C12orf42: variants seen among roughly 807,000 people sequenced by gnomAD.
C12orf42 encodes the protein uncharacterized protein C12orf42.
Under a neutral mutation model 21.6 loss-of-function variants are expected in C12orf42, and 25 were observed. That is an observed-to-expected ratio of 1.16 (90% CI 0.84 to 1.62). The LOEUF is 1.62. Among genes scored for constraint, C12orf42 ranks in the 40% most tolerant of loss-of-function variants. The pLI is 0.00. For synonymous variants in C12orf42, 174 were observed against 175.0 expected (o/e 0.99, Z 0.05); for missense variants, 483 against 459.3 (o/e 1.05, Z -0.47).
chr12:103,082,175 A>G, the C12orf42 span, among the ~76,000 whole-genome samples: 1 of 152,224 alleles, frequency 6.6e-6, no homozygotes, highest in Non-Finnish European at 1.5e-5. Flanking sequence ...AGAAAAACCA[A>G]CTGGAAGTGT....
the C12orf42 span, among the ~76,000 whole-genome samples, chr12:103,154,714 A>G: frequency 6.6e-6 from 1 of 152,182 alleles, no homozygotes; most frequent in African/African-American, 2.4e-5. Flanking sequence ...GGGAAAAATT[A>G]GTTTTATGAG....
intron 2 of C12orf42, among the ~76,000 whole-genome samples, chr12:103,476,602 C>G (rs757537476): frequency 2.0e-5 from 3 of 152,182 alleles, no homozygotes; most frequent in Admixed American, 1.3e-4. Context: ...TGGAGAGAAG[C>G]AGTTTCCTAA....
chr12:103,102,274 A>T, the C12orf42 span, among the ~76,000 whole-genome samples: 22 of 152,236 alleles, frequency 1.4e-4, no homozygotes. Flanking sequence ...AAAAGAATCA[A>T]GATCTTCCCC....
the C12orf42 span, among the ~76,000 whole-genome samples, chr12:103,201,930 CA>C: frequency 4.0e-4 from 60 of 151,480 alleles, no homozygotes; most frequent in African/African-American, 1.4e-3. Context: ...AGTAATTAGC[CA>C]AAAAAAAGCA....
chr12:103,438,310 G>T (rs1309412026), intron 2 of C12orf42, among the ~76,000 whole-genome samples: 4 of 151,850 alleles, frequency 2.6e-5, no homozygotes, highest in Non-Finnish European at 5.9e-5. Context: ...ATACTGAATG[G>T]GCAAAAACTG....
At chr12:103,350,602 G>A (rs2137444848) in intron 4 of C12orf42, among the ~76,000 whole-genome samples, 1 of 152,198 alleles carries the variant, frequency 6.6e-6, no homozygotes, top group East Asian at 1.9e-4. Flanking sequence ...ATAGGATCCG[G>A]TATTATCCAT....
intron 2 of C12orf42, among the ~76,000 whole-genome samples, chr12:103,429,857 C>G (rs1042273013): frequency 1.3e-5 from 2 of 152,138 alleles, no homozygotes; most frequent in Non-Finnish European, 2.9e-5. Flanking sequence ...CTGACACAAA[C>G]AAGCAATAGG....
intron 4 of C12orf42, among the ~76,000 whole-genome samples, chr12:103,315,641 AT>A (rs150343689): frequency 0.019 from 2,863 of 152,282 alleles, 80 homozygotes; most frequent in African/African-American, 0.064. Flanking sequence ...GCAGAAAAAA[AT>A]ATATGAAATA....
chr12:103,368,840 G>A (rs1218943069), intron 4 of C12orf42, 47 bp downstream of exon 4: 3 of 1,021,912 alleles, frequency 2.9e-6, no homozygotes, highest in Admixed American at 4.7e-5. Context: ...ATAGTCCAGA[G>A]TTTCTTTGGA....
intron 10 of C12orf42, among the ~76,000 whole-genome samples, chr12:103,252,143 A>G (rs1006614424): frequency 3.9e-5 from 6 of 152,134 alleles, no homozygotes; most frequent in Non-Finnish European, 8.8e-5. Context: ...TTATGGCTGC[A>G]TAGTATTCCA....
the C12orf42 span, among the ~76,000 whole-genome samples, chr12:103,218,808 C>T: frequency 6.6e-6 from 1 of 152,178 alleles, no homozygotes; most frequent in Non-Finnish European, 1.5e-5. Context: ...TTCCAATTTA[C>T]AGAATGAGAA....
intron 4 of C12orf42, among the ~76,000 whole-genome samples, chr12:103,278,087 T>C (rs1593266740): frequency 6.6e-6 from 1 of 152,284 alleles, no homozygotes; most frequent in African/African-American, 2.4e-5. Flanking sequence ...ATCAAGATAT[T>C]TATTGAGAAC....
the C12orf42 span, among the ~76,000 whole-genome samples, chr12:103,145,918 A>G: frequency 4.2e-3 from 643 of 151,882 alleles, 3 homozygotes; most frequent in African/African-American, 0.015. Context: ...AAACATGGAT[A>G]TAGAGTTTGT....
At chr12:103,453,763 A>T (rs1400833858) in intron 2 of C12orf42, among the ~76,000 whole-genome samples, 1 of 151,708 alleles carries the variant, frequency 6.6e-6, no homozygotes. Flanking sequence ...GTGACTTTTG[A>T]TTTTTTCACT....
intron 3 of C12orf42, among the ~76,000 whole-genome samples, chr12:103,395,866 A>T (rs1251156685): frequency 1.3e-5 from 2 of 149,902 alleles, no homozygotes; most frequent in African/African-American, 4.9e-5. Context: ...TAGTCATAAA[A>T]ATATATATAC....
chr12:103,196,398 A>AACAG, the C12orf42 span, among the ~76,000 whole-genome samples: 231 of 152,296 alleles, frequency 1.5e-3, no homozygotes, highest in Non-Finnish European at 1.8e-3. Flanking sequence ...AGATGAGAAG[A>AACAG]ATGTATATTC....
At chr12:103,215,214 A>T in the C12orf42 span, among the ~76,000 whole-genome samples, 4 of 152,086 alleles carry the variant, frequency 2.6e-5, no homozygotes, top group Non-Finnish European at 5.9e-5. Flanking sequence ...TAATACTAAC[A>T]CTTTATTATA....
At chr12:103,253,573 G>A (rs2034411072) in intron 10 of C12orf42, among the ~76,000 whole-genome samples, 1 of 152,066 alleles carries the variant, frequency 6.6e-6, no homozygotes. Flanking sequence ...TAGCAATTGT[G>A]AATGGGACTT....
chr12:103,214,912 T>C, the C12orf42 span, among the ~76,000 whole-genome samples: 3 of 152,104 alleles, frequency 2.0e-5, no homozygotes, highest in African/African-American at 7.2e-5. Flanking sequence ...CTCACCAAAA[T>C]TGTCCAAATA....
Sources: gnomAD v4.1 joint callset for allele counts (sites outside exome capture counted in the v4.1 genomes callset) on GRCh38, gnomAD v4.1.1 for gene constraint, MANE v1.5 for transcripts, NCBI Gene and HGNC (gene_info 2026-07-23, HGNC 2026-07-21) for gene names.